RNF220: variants seen among roughly 807,000 people sequenced by gnomAD.
The protein encoded by RNF220 is ring finger protein 220.
A neutral mutation model predicts 67.1 loss-of-function variants in RNF220; 7 were observed. The observed-to-expected ratio is 0.10, with a 90% confidence interval of 0.06 to 0.20. The LOEUF (loss-of-function observed/expected upper bound fraction) is 0.20. RNF220 is among the 10% of genes least tolerant of loss of function. RNF220 has a pLI of 1.00. For synonymous variants in RNF220, 270 were observed against 283.2 expected, an observed-to-expected ratio of 0.95 and a Z score of 0.47; for missense variants, 565 against 740.3, an observed-to-expected ratio of 0.76 and a Z score of 2.75.
intron 2 of RNF220, among the ~76,000 whole-genome samples, chr1:44,470,891 C>T (rs1237668477): frequency 6.6e-6 from 1 of 152,106 alleles, no homozygotes; most frequent in Non-Finnish European, 1.5e-5. Context: ...AAATAGGAGA[C>T]ATTCAATGAA....
intron 2 of RNF220, among the ~76,000 whole-genome samples, chr1:44,449,703 G>A (rs1349350121): frequency 6.6e-6 from 1 of 152,128 alleles, no homozygotes; most frequent in East Asian, 1.9e-4. Context: ...ATGGGCCATG[G>A]TGCCCCTCCT....
intron 2 of RNF220, among the ~76,000 whole-genome samples, chr1:44,427,554 T>A (rs1037059635): frequency 6.6e-6 from 1 of 152,228 alleles, no homozygotes; most frequent in African/African-American, 2.4e-5. Flanking sequence ...TTACTAGTTA[T>A]GATCTAAGAA....
At chr1:44,462,124 G>A (rs975431821) in intron 2 of RNF220, among the ~76,000 whole-genome samples, 1 of 151,514 alleles carries the variant, frequency 6.6e-6, no homozygotes, top group East Asian at 1.9e-4. Context: ...TAGTAGAGAT[G>A]TGGTATCACC....
At position 44,446,996 on chromosome 1, in the gene RNF220, T is replaced by C. The variant is rs1253499654; in HGVS notation, c.625+34274T>C. Among the ~76,000 whole-genome samples, 3 of 152,236 alleles carry C rather than the reference T, an allele frequency of 2.0e-5. No individual in the cohort carries two copies. In the East Asian group the frequency reaches 5.8e-4, roughly 29 times the overall value. On this transcript the variant is annotated intron_variant, in intron 2 of 14. Transcript: ENST00000361799. ...CCTCCACTTCTTTCTATCTCTCCCT[T>C]AAGAAGATGTATTGTAATGGAAATG...
intron 2 of RNF220, among the ~76,000 whole-genome samples, chr1:44,476,725 A>G (rs1163618266): frequency 1.3e-5 from 2 of 152,224 alleles, no homozygotes; most frequent in Non-Finnish European, 2.9e-5. Flanking sequence ...CCATCAGGCT[A>G]GAGATAGCCT....
At chr1:44,634,462 T>C (rs1050356863) in intron 6 of RNF220, among the ~76,000 whole-genome samples, 6 of 152,234 alleles carry the variant, frequency 3.9e-5, no homozygotes, top group Non-Finnish European at 7.3e-5. Flanking sequence ...AGCTCTCACC[T>C]GTGTTCCCCT....
chr1:44,479,664 G>A (rs1247044091), intron 2 of RNF220, among the ~76,000 whole-genome samples: 1 of 152,098 alleles, frequency 6.6e-6, no homozygotes, highest in Non-Finnish European at 1.5e-5. Flanking sequence ...CGTTCTTGCC[G>A]CACTCTGGAT....
chr1:44,537,962 TC>T (rs1359914017), intron 2 of RNF220, among the ~76,000 whole-genome samples: 2 of 152,232 alleles, frequency 1.3e-5, no homozygotes, highest in African/African-American at 4.8e-5. Flanking sequence ...AACCTATACT[TC>T]CAGAAATTCT....
chr1:44,546,302 C>A (rs535997906), intron 2 of RNF220, among the ~76,000 whole-genome samples: 60 of 152,210 alleles, frequency 3.9e-4, no homozygotes, highest in Admixed American at 7.2e-4. Context: ...GCTCAGTGGC[C>A]CCCCAGGCCC....
chr1:44,480,969 G>T (rs1335062588), intron 2 of RNF220, among the ~76,000 whole-genome samples: 3 of 152,330 alleles, frequency 2.0e-5, no homozygotes, highest in Middle Eastern at 3.4e-3. Flanking sequence ...AGATGTACAT[G>T]TCTTCAGGAT....
intron 2 of RNF220, among the ~76,000 whole-genome samples, chr1:44,487,693 T>TAAC (rs1411232537): frequency 2.8e-5 from 4 of 140,428 alleles, no homozygotes; most frequent in Admixed American, 7.5e-5. Flanking sequence ...ATAATAATAA[T>TAAC]AATAATAATA....
intron 2 of RNF220, among the ~76,000 whole-genome samples, chr1:44,512,903 G>A (rs1659136304): frequency 6.6e-6 from 1 of 152,174 alleles, no homozygotes; most frequent in South Asian, 2.1e-4. Context: ...TTGACCTGAG[G>A]AAGAGAGAGC....
intron 2 of RNF220, among the ~76,000 whole-genome samples, chr1:44,509,885 C>CAAA (rs57479392): frequency 3.4e-4 from 36 of 106,066 alleles, no homozygotes; most frequent in East Asian, 1.9e-3. Context: ...AGACCCTGTC[C>CAAA]AAAAAAAAAA....
intron 2 of RNF220, among the ~76,000 whole-genome samples, chr1:44,465,051 A>G (rs909903082): frequency 2.0e-5 from 3 of 152,230 alleles, no homozygotes; most frequent in African/African-American, 7.2e-5. Context: ...ACAGGGTCTG[A>G]CACATAGTAA....
At chr1:44,533,893 C>T (rs1310483241) in intron 2 of RNF220, among the ~76,000 whole-genome samples, 2 of 152,166 alleles carry the variant, frequency 1.3e-5, no homozygotes, top group Non-Finnish European at 2.9e-5. Flanking sequence ...GTCAGCATTG[C>T]AAGGACATAG....
intron 2 of RNF220, among the ~76,000 whole-genome samples, chr1:44,434,754 A>T (rs1025666218): frequency 6.6e-6 from 1 of 152,010 alleles, no homozygotes; most frequent in Non-Finnish European, 1.5e-5. Flanking sequence ...TTGCGTGACT[A>T]ACAGATTGAT....
intron 2 of RNF220, among the ~76,000 whole-genome samples, chr1:44,585,692 A>G (rs940444336): frequency 7.2e-5 from 11 of 152,172 alleles, no homozygotes; most frequent in Non-Finnish European, 1.6e-4. Flanking sequence ...TAGCACAGTG[A>G]CCATAAGCAC....
chr1:44,623,090 G>C (rs939530544), intron 4 of RNF220, among the ~76,000 whole-genome samples: 1 of 152,104 alleles, frequency 6.6e-6, no homozygotes, highest in Non-Finnish European at 1.5e-5. Context: ...AGACACTAAG[G>C]GTGAGAAGAC....
chr1:44,642,922 A>G (rs1644529800), intron 8 of RNF220, among the ~76,000 whole-genome samples: 1 of 152,180 alleles, frequency 6.6e-6, no homozygotes, highest in Non-Finnish European at 1.5e-5. Flanking sequence ...ATTCTGATTG[A>G]TGGTGGAGTT....
Sources: gnomAD v4.1 joint callset for allele counts (sites outside exome capture counted in the v4.1 genomes callset) on GRCh38, gnomAD v4.1.1 for gene constraint, MANE v1.5 for transcripts, NCBI Gene and HGNC (gene_info 2026-07-23, HGNC 2026-07-21) for gene names.